Variants in GTF2F1 observed in about 807,000 individuals in gnomAD.
GTF2F1 encodes general transcription factor IIF 74 kDa subunit.
Under a neutral mutation model 63.5 loss-of-function variants are expected in GTF2F1, and 39 were observed. That is an observed-to-expected ratio of 0.61 (90% CI 0.48 to 0.80). The LOEUF (loss-of-function observed/expected upper bound fraction) is 0.80. Among genes scored for constraint, GTF2F1 ranks in the 30% least tolerant of loss-of-function variants. GTF2F1 has a pLI of 0.00. For synonymous variants in GTF2F1, 287 were observed against 285.3 expected (o/e 1.01, Z -0.06); for missense variants, 657 against 718.3 (o/e 0.91, Z 0.97).
rs201652392 is a variant in GTF2F1 at position 6,381,137 on chromosome 19, T to C, written c.1077A>G (p.Ser359=). The part of the protein sequence containing the change: ...EESDIDSEAS[S]ALFMAKKKTP... ...TGGGCCTTACCGCCATGAAGAGGGC[T>C]GAGGAGGCCTCGCTGTCAATGTCGC... is the stretch of plus-strand genomic sequence containing the variant. Residue 359 remains serine (S), a synonymous_variant, in exon 10 of 13, where the codon TCA becomes TCG. Coordinates refer to ENST00000394456, the MANE Select transcript of GTF2F1 (RefSeq NM_002096.3). The surrounding 1 kb of genome is among the most constrained non-coding windows in gnomAD (Gnocchi z 4.1). 2.5e-6 allele frequency: 4 copies of C among 1,612,118 alleles called. No individual in the cohort carries two copies. The highest frequency in any genetic ancestry group is 4.5e-5 in the East Asian group (2 of 44,818).
chr19:6,380,412 T>A lies in GTF2F1; in HGVS notation c.1423A>T (p.Lys475Ter). 6.2e-7 allele frequency: 1 copy of A among 1,614,126 alleles called. No individual in the cohort carries two copies. Among genetic ancestry groups the A allele is most frequent in the Non-Finnish European group, 8.5e-7 (1 of 1,180,010 alleles). Residue 475 changes from lysine (K) to a stop codon, truncating the protein, a stop_gained, in exon 13 of 13, where the codon AAA becomes TAA. Transcript: ENST00000394456. LOFTEE classifies it high-confidence loss of function. The surrounding 1 kb of genome is among the most constrained non-coding windows in gnomAD (Gnocchi z 5.3). The part of the protein sequence containing the change: ...RKPMTTKDLL[K>*]KFQTKKTGLS... ...CCTGTCTTCTTGGTCTGGAACTTTT[T>A]CAGCAGGTCCTTAGTGGTCATGGGC...
intron 2 of GTF2F1, 35 bp downstream of exon 2, chr19:6,392,822 G>C (rs749830157): frequency 5.7e-6 from 9 of 1,592,852 alleles, no homozygotes; most frequent in Non-Finnish European, 6.9e-6. Context: ...TTTTTGGGGG[G>C]TGGAGAGGAG....
intron 3 of GTF2F1, 52 bp from the exon 4 acceptor site, chr19:6,389,689 G>A: frequency 1.3e-6 from 2 of 1,536,378 alleles, no homozygotes; most frequent in Non-Finnish European, 1.8e-6. Context: ...TGCTTGCGCA[G>A]TGCCCCCCTC....
At chr19:6,385,391 GTC>G (rs1356215913) in intron 5 of GTF2F1, among the ~76,000 whole-genome samples, 35 of 78,882 alleles carry the variant, frequency 4.4e-4, no homozygotes, top group African/African-American at 2.3e-3. Context: ...CAGTGAGACT[GTC>G]TCAAAAAAAA....
intron 4 of GTF2F1, 75 bp downstream of exon 4, chr19:6,389,364 TACCCC>T: frequency 7.9e-7 from 1 of 1,265,332 alleles, no homozygotes; most frequent in East Asian, 2.5e-5. Context: ...TCAGAGAGGG[TACCCC>T]ACAAAGTATG....
chr19:6,380,234 T>G lies in GTF2F1; in HGVS notation c.*47A>C. 4.7e-6 allele frequency: 7 copies of G among 1,496,130 alleles called. No individual in the cohort carries two copies. The highest frequency in any genetic ancestry group is 6.5e-6 in the Non-Finnish European group (7 of 1,072,512). 92.7% of individuals were successfully genotyped at this position (1,496,130 alleles called of 1,614,324 possible). On this transcript the variant is annotated 3_prime_UTR_variant, in exon 13 of 13. Coordinates refer to ENST00000394456, the MANE Select transcript of GTF2F1 (RefSeq NM_002096.3). This position sits in a 1 kb window ranked among gnomAD's most constrained non-coding sequence, Gnocchi z 5.3. ...TCACTCTAGGATGGCGAAGGGGCAG[T>G]GAGAGCCTTAAGTTCTGGGGGGCAG... is the stretch of plus-strand genomic sequence containing the variant.
Position 6,381,142 on chromosome 19 carries a change from A to T in GTF2F1, c.1072T>A (p.Ser358Thr). The change falls in exon 10 of 13, where the codon TCC becomes ACC. Residue 358 changes from serine to threonine, a missense_variant. Ser to Thr is a moderately conservative substitution (Grantham distance 58). This residue lies in a region of GTF2F1 where 602 missense variants were observed against 625.6 expected (regional missense o/e 0.96). Coordinates refer to ENST00000394456, the MANE Select transcript of GTF2F1 (RefSeq NM_002096.3). The surrounding 1 kb of genome is among the most constrained non-coding windows in gnomAD (Gnocchi z 4.1). Reference protein sequence around the residue: ...SEESDIDSEASSALFMAKKKT... With the variant: ...SEESDIDSEATSALFMAKKKT... The stretch of plus-strand genomic sequence containing the variant: ...CTTACCGCCATGAAGAGGGCTGAGG[A>T]GGCCTCGCTGTCAATGTCGCTCTCC... 6.2e-7 allele frequency: 1 copy of T among 1,612,014 alleles called. No homozygotes were observed. Among genetic ancestry groups the T allele is most frequent in the Non-Finnish European group, 8.5e-7 (1 of 1,179,332 alleles).
chr19:6,391,867 C>T (rs761228769), intron 3 of GTF2F1, 35 bp downstream of exon 3: 2 of 1,241,938 alleles, frequency 1.6e-6, no homozygotes, highest in Non-Finnish European at 2.3e-6. Flanking sequence ...TCTCTCACCA[C>T]CCCAGCCCCT....
chr19:6,391,851 T>A, intron 3 of GTF2F1, 51 bp downstream of exon 3: 1 of 929,096 alleles, frequency 1.1e-6, no homozygotes, highest in Non-Finnish European at 1.7e-6. Context: ...AAGGTCAGGG[T>A]CAAGTTCTCT....
chr19:6,379,933 A>T lies in GTF2F1; in HGVS notation c.*348T>A, dbSNP rs1262140610. On this transcript the variant is annotated 3_prime_UTR_variant, in exon 13 of 13. Coordinates refer to ENST00000394456, the MANE Select transcript of GTF2F1 (RefSeq NM_002096.3). ...TGGTGGATAAGTCACAGCTGAAGAG[A>T]GACTTAGGGAAGTGGAAGGGAGAAC... 9 of 351,706 alleles carry T rather than the reference A, an allele frequency of 2.6e-5. No homozygotes were observed. Among genetic ancestry groups the T allele is most frequent in the Admixed American group, 2.4e-4 (6 of 24,976 alleles). 21.8% of individuals were successfully genotyped at this position (351,706 alleles called of 1,614,324 possible). A position where few individuals can be genotyped will look rare whatever the true frequency, so the allele number is the denominator to read the frequency against.
At position 6,384,596 on chromosome 19, in the gene GTF2F1, T is replaced by A. The variant is rs536231125; in HGVS notation, c.498-1101A>T. Among the ~76,000 whole-genome samples the A allele has an allele frequency of 1.2e-4, 18 of 151,758 alleles. No individual in the cohort carries two copies. In the East Asian group the frequency reaches 3.3e-3, roughly 28 times the overall value. On this transcript the variant is annotated intron_variant, in intron 5 of 12. Transcript: ENST00000394456. The stretch of plus-strand genomic sequence containing the variant: ...TGTGAAAGATAATGAAACTGCTGCT[T>A]AACACTGTGAGTGGCTTTACCACAC...
At chr19:6,385,130 C>G (rs1003191765) in intron 5 of GTF2F1, among the ~76,000 whole-genome samples, 38 of 152,018 alleles carry the variant, frequency 2.5e-4, no homozygotes, top group African/African-American at 8.7e-4. Flanking sequence ...CACCATGGCT[C>G]ACACCTGTAA....
Position 6,381,664 on chromosome 19 carries a change from T to A in GTF2F1, c.836+33A>T. ...ATGAGCGCGCGCTCGCGAGGCTGCATGGGGTCTCGCAGGCGCCTCCCGTCG... is the reference window on the plus strand; with the variant it reads ...ATGAGCGCGCGCTCGCGAGGCTGCAAGGGGTCTCGCAGGCGCCTCCCGTCG... On this transcript the variant is annotated intron_variant, in intron 7 of 12. Transcript: ENST00000394456. The surrounding 1 kb of genome is among the most constrained non-coding windows in gnomAD (Gnocchi z 4.1). 1.2e-6 allele frequency: 2 copies of A among 1,614,056 alleles called. No individual in the cohort carries two copies. Among genetic ancestry groups the A allele is most frequent in the Non-Finnish European group, 1.7e-6 (2 of 1,180,016 alleles).
At chr19:6,390,930 C>T (rs1163484123) in intron 3 of GTF2F1, among the ~76,000 whole-genome samples, 1 of 152,072 alleles carries the variant, frequency 6.6e-6, no homozygotes, top group African/African-American at 2.4e-5. Flanking sequence ...CACTTGCTGA[C>T]ATTAAGGCAC....
In GTF2F1 at chr19:6,391,439, G is replaced by GTT. The variant is rs11340944; in HGVS notation, c.132+461_132+462dup. Among the ~76,000 whole-genome samples, 133 of 87,446 alleles carry GTT rather than the reference G, an allele frequency of 1.5e-3. 4 individuals carry two copies. The highest frequency in any genetic ancestry group is 3.6e-3 in the East Asian group (11 of 3,052). The allele number at this position is 87,446 out of a possible 152,430, so 57.4% of individuals were successfully genotyped here. The stretch of plus-strand genomic sequence containing the variant: ...CTAGGCCTGGGCCTTTGCCATTTCC[G>GTT]TTTTTTTTTTTTTTTTTTTTTTTTT... On this transcript the variant is annotated intron_variant, in intron 3 of 12. Coordinates refer to ENST00000394456, the MANE Select transcript of GTF2F1 (RefSeq NM_002096.3).
At position 6,381,713 on chromosome 19, in the gene GTF2F1, T is replaced by C. The variant is rs766491852; in HGVS notation, c.820A>G (p.Met274Val). Residue 274 changes from methionine (M) to valine (V), a missense_variant, in exon 7 of 13, where the codon ATG becomes GTG. By Grantham distance (21) the Met-to-Val change is conservative. Coordinates refer to ENST00000394456, the MANE Select transcript of GTF2F1 (RefSeq NM_002096.3). This position sits in a 1 kb window ranked among gnomAD's most constrained non-coding sequence, Gnocchi z 4.1. ...CGGCCTCACCTGGAGCCGTCTGACA[T>C]GTAGTCCACCTCTTGGCCCTCGAAG... is the stretch of plus-strand genomic sequence containing the variant. Reference protein sequence around the residue: ...GDFEGQEVDYMSDGSSSSQEE... With the variant: ...GDFEGQEVDYVSDGSSSSQEE... 16 of 1,614,052 alleles carry C rather than the reference T, an allele frequency of 9.9e-6. No individual in the cohort carries two copies. The highest frequency in any genetic ancestry group is 1.7e-5 in the Admixed American group (1 of 60,002).
Position 6,380,261 on chromosome 19 carries a change from G to A in GTF2F1, c.*20C>T, listed in dbSNP as rs774671746. ...AGAGCCTTAAGTTCTGGGGGGCAGA[G>A]CCATGTATTGGACCAAGCCTCACTC... On this transcript the variant is annotated 3_prime_UTR_variant, in exon 13 of 13. Transcript: ENST00000394456. This position sits in a 1 kb window ranked among gnomAD's most constrained non-coding sequence, Gnocchi z 5.3. 1.0e-4 allele frequency: 162 copies of A among 1,598,598 alleles called. No individual in the cohort carries two copies. Among genetic ancestry groups the A allele is most frequent in the Non-Finnish European group, 1.4e-4 (158 of 1,165,946 alleles).
chr19:6,380,211 A>G lies in GTF2F1; in HGVS notation c.*70T>C. ...AGAGCCATGTATTGGACAGAGCCTC[A>G]CTCTAGGATGGCGAAGGGGCAGTGA... is the stretch of plus-strand genomic sequence containing the variant. On this transcript the variant is annotated 3_prime_UTR_variant, in exon 13 of 13. Transcript: ENST00000394456. The surrounding 1 kb of genome is among the most constrained non-coding windows in gnomAD (Gnocchi z 5.3). The G allele has an allele frequency of 7.8e-7, 1 of 1,278,730 alleles. No homozygotes were observed. Among genetic ancestry groups the G allele is most frequent in the South Asian group, 1.2e-5 (1 of 84,316 alleles). The allele number at this position is 1,278,730 out of a possible 1,614,324, so 79.2% of individuals were successfully genotyped here.
In GTF2F1 at chr19:6,383,577, C is replaced by A; in HGVS notation, c.498-82G>T. ...CTTGCAGGGGGCGAGCCCCAGGGCACCACCCACATAGCCTTCAAGGTGATG... is the reference window on the plus strand; with the variant it reads ...CTTGCAGGGGGCGAGCCCCAGGGCAACACCCACATAGCCTTCAAGGTGATG... On this transcript the variant is annotated intron_variant, in intron 5 of 12. Transcript: ENST00000394456. The surrounding 1 kb of genome is among the most constrained non-coding windows in gnomAD (Gnocchi z 4.5). 6.9e-7 allele frequency: 1 copy of A among 1,448,612 alleles called. No homozygotes were observed. Among genetic ancestry groups the A allele is most frequent in the Non-Finnish European group, 9.5e-7 (1 of 1,050,370 alleles). The allele number at this position is 1,448,612 out of a possible 1,614,324, so 89.7% of individuals were successfully genotyped here.
Sources: gnomAD v4.1 joint callset for allele counts (sites outside exome capture counted in the v4.1 genomes callset) on GRCh38, gnomAD v4.1.1 for gene constraint, gnomAD v4.1.1 regional missense constraint, Gnocchi (gnomAD v3.1) non-coding constraint, MANE v1.5 for transcripts, NCBI Gene and HGNC (gene_info 2026-07-23, HGNC 2026-07-21) for gene names.